LRRC1: variants seen among roughly 807,000 people sequenced by gnomAD.
The protein encoded by LRRC1 is leucine-rich repeat-containing protein 1.
In LRRC1, 28 loss-of-function variants were observed where a neutral mutation model predicts 69.9. The observed-to-expected ratio is 0.40, with a 90% CI of 0.30 to 0.55. The LOEUF is 0.55. LRRC1 is among the 20% of genes least tolerant of loss of function. LRRC1 has a pLI of 0.47. For synonymous variants in LRRC1, 236 were observed against 240.2 expected (o/e 0.98, Z 0.16); for missense variants, 498 against 609.0 (o/e 0.82, Z 1.92).
intron 1 of LRRC1, among the ~76,000 whole-genome samples, chr6:53,795,868 G>A (rs1452681301): frequency 6.6e-6 from 1 of 152,248 alleles, no homozygotes. Context: ...TGTCCCGGAG[G>A]ACCTTGTGAC....
chr6:53,900,017 ACTGTTTT>A, intron 8 of LRRC1, 126 bp downstream of exon 8: 4 of 379,110 alleles, frequency 1.1e-5, no homozygotes, highest in South Asian at 5.6e-5. Flanking sequence ...AAGTCTCCTT[ACTGTTTT>A]TTTTTTTTTT....
intron 3 of LRRC1, among the ~76,000 whole-genome samples, chr6:53,882,573 T>C (rs528801223): frequency 5.9e-5 from 9 of 152,200 alleles, no homozygotes; most frequent in African/African-American, 2.2e-4. Context: ...TTTTCTTTCA[T>C]AGAGTATTCA....
intron 2 of LRRC1, among the ~76,000 whole-genome samples, chr6:53,856,748 T>G (rs1469150331): frequency 6.7e-6 from 1 of 149,770 alleles, no homozygotes; most frequent in Non-Finnish European, 1.5e-5. Context: ...ATGAAAGGGT[T>G]TCAGGCAGGG....
rs185491538 is a variant in LRRC1, at chr6:53,833,996, A to G, written c.160-8114A>G. Among the ~76,000 whole-genome samples the G allele has an allele frequency of 5.3e-4, 81 of 152,346 alleles. 1 individual carries two copies. In the Middle Eastern group the frequency reaches 0.01, roughly 19 times the overall value. On this transcript the variant is annotated intron_variant, in intron 1 of 13. Transcript: ENST00000370888. Reference sequence around the variant, plus strand: ...TAGTAAAATTCTAATTGCCAGTTGAACAGTGTCATCCTTTTGAGTTTCTCC... The same window carrying G: ...TAGTAAAATTCTAATTGCCAGTTGAGCAGTGTCATCCTTTTGAGTTTCTCC...
rs74734764 is a variant in LRRC1 at position 53,802,317 on chromosome 6, A to G, written c.159+6902A>G. 2.0e-3 allele frequency among the ~76,000 whole-genome samples: 300 copies of G among 152,310 alleles called. 4 individuals carry two copies. The East Asian group carries it at 0.041, about 21-fold the overall frequency. On this transcript the variant is annotated intron_variant, in intron 1 of 13. Transcript: ENST00000370888. ...AGTGGTTTAGGCCAGAGGAAAAGATAGAGTACCTGTGGGATGTTCTGGGAG... is the reference window on the plus strand; with the variant it reads ...AGTGGTTTAGGCCAGAGGAAAAGATGGAGTACCTGTGGGATGTTCTGGGAG...
chr6:53,904,603 G>A, intron 10 of LRRC1, 141 bp downstream of exon 10: 1 of 501,046 alleles, frequency 2.0e-6, no homozygotes, highest in South Asian at 3.2e-5. Context: ...TGAGTATAGA[G>A]CCAACTGGAG....
At chr6:53,799,472 T>C (rs1764403858) in intron 1 of LRRC1, among the ~76,000 whole-genome samples, 1 of 152,240 alleles carries the variant, frequency 6.6e-6, no homozygotes, top group East Asian at 1.9e-4. Context: ...CCCCTTCCTA[T>C]GGTCAGACTT....
At chr6:53,871,902 A>G (rs1766897868) in intron 2 of LRRC1, among the ~76,000 whole-genome samples, 1 of 152,150 alleles carries the variant, frequency 6.6e-6, no homozygotes, top group African/African-American at 2.4e-5. Flanking sequence ...TCCTGAACTC[A>G]GGTGATCGGC....
chr6:53,891,730 C>G (rs1767689785), intron 4 of LRRC1, among the ~76,000 whole-genome samples: 1 of 151,990 alleles, frequency 6.6e-6, no homozygotes, highest in Non-Finnish European at 1.5e-5. Context: ...TGCCTGTAAT[C>G]CTAGCACTTT....
intron 1 of LRRC1, among the ~76,000 whole-genome samples, chr6:53,816,522 A>G (rs1440867143): frequency 1.3e-5 from 2 of 152,120 alleles, no homozygotes; most frequent in African/African-American, 4.8e-5. Flanking sequence ...CCAAGTGACT[A>G]TAGAAATCAG....
chr6:53,861,830 G>A (rs747014006), intron 2 of LRRC1, among the ~76,000 whole-genome samples: 6 of 152,088 alleles, frequency 3.9e-5, no homozygotes, highest in Admixed American at 1.3e-4. Flanking sequence ...ACTATAGTTC[G>A]GGCGTGTGAG....
chr6:53,877,864 G>A (rs1286906945), intron 2 of LRRC1, among the ~76,000 whole-genome samples: 2 of 152,292 alleles, frequency 1.3e-5, no homozygotes, highest in Non-Finnish European at 2.9e-5. Flanking sequence ...CTGTGAACCG[G>A]TTCCAAAGTT....
chr6:53,795,435 T>A lies in LRRC1; in HGVS notation c.159+20T>A, dbSNP rs752682109. On this transcript the variant is annotated intron_variant, in intron 1 of 13. Transcript: ENST00000370888. ...CCCGAGGTAAGGGTCCGGCCTCACCTGAGCGCTCTGCCCGCTCGTCTGCTG... is the reference window on the plus strand; with the variant it reads ...CCCGAGGTAAGGGTCCGGCCTCACCAGAGCGCTCTGCCCGCTCGTCTGCTG... 14 of 1,599,356 alleles carry A rather than the reference T, an allele frequency of 8.8e-6. No individual in the cohort carries two copies. The highest frequency in any genetic ancestry group is 3.4e-5 in the Admixed American group (2 of 58,874).
rs186745333 is a variant in LRRC1, at chr6:53,835,232, G to A, written c.160-6878G>A. ...AGAAACCCCATATCCTTTAGCCATC[G>A]TTTTCCATTTCCTAGGCAACTGCTA... is the stretch of plus-strand genomic sequence containing the variant. On this transcript the variant is annotated intron_variant, in intron 1 of 13. Transcript: ENST00000370888. 3.4e-3 allele frequency among the ~76,000 whole-genome samples: 525 copies of A among 152,218 alleles called. 2 individuals carry two copies. The highest frequency in any genetic ancestry group is 0.012 in the African/African-American group (483 of 41,534).
chr6:53,833,530 A>G (rs780921495), intron 1 of LRRC1, among the ~76,000 whole-genome samples: 4 of 152,256 alleles, frequency 2.6e-5, no homozygotes, highest in Non-Finnish European at 2.9e-5. Context: ...AAATGTAAGC[A>G]TCTTTATTAT....
chr6:53,837,495 T>A (rs1765647482), intron 1 of LRRC1, among the ~76,000 whole-genome samples: 1 of 152,192 alleles, frequency 6.6e-6, no homozygotes, highest in African/African-American at 2.4e-5. Flanking sequence ...AGAATGTCTC[T>A]GGGAAGGAAA....
chr6:53,827,322 A>AC (rs1765299662), intron 1 of LRRC1, among the ~76,000 whole-genome samples: 1 of 151,964 alleles, frequency 6.6e-6, no homozygotes, highest in Non-Finnish European at 1.5e-5. Flanking sequence ...AAAAAAAAAA[A>AC]AAAACAGTTG....
At chr6:53,884,515 C>G (rs1433098786) in intron 4 of LRRC1, among the ~76,000 whole-genome samples, 2 of 151,794 alleles carry the variant, frequency 1.3e-5, no homozygotes, top group South Asian at 2.1e-4. Flanking sequence ...CCCGCTTTGC[C>G]CCCCCTACAC....
At chr6:53,863,006 AC>A (rs1766581894) in intron 2 of LRRC1, among the ~76,000 whole-genome samples, 1 of 152,188 alleles carries the variant, frequency 6.6e-6, no homozygotes, top group Non-Finnish European at 1.5e-5. Flanking sequence ...GCACACAAGG[AC>A]TTTGTTTTAT....
Sources: allele counts gnomAD v4.1 joint callset (sites outside exome capture counted in the v4.1 genomes callset), GRCh38; gene constraint gnomAD v4.1.1; transcripts MANE v1.5; gene names NCBI Gene and HGNC (gene_info 2026-07-23, HGNC 2026-07-21).